Variants in PINX1 observed in about 807,000 individuals in gnomAD.
PINX1 encodes PIN2 (TERF1) interacting telomerase inhibitor 1.
A neutral mutation model predicts 25.4 loss-of-function variants in PINX1; 34 were observed. The ratio of observed to expected loss-of-function variants is 1.34; its 90% CI spans 1.02 to 1.78. The LOEUF is 1.78. Among genes scored for constraint, PINX1 ranks in the 40% most tolerant of loss-of-function variants. The pLI, the probability that PINX1 is intolerant of heterozygous loss-of-function variation, is 0.00. For missense variants in PINX1, 592 were observed against 404.9 expected (o/e 1.46, Z -3.97); for synonymous variants, 197 against 147.7 (o/e 1.33, Z -2.42).
chr8:10,803,650 T>G (rs1802341262), intron 6 of PINX1, among the ~76,000 whole-genome samples: 1 of 152,238 alleles, frequency 6.6e-6, no homozygotes, highest in African/African-American at 2.4e-5. Context: ...TTTGATTAGA[T>G]TTAGGTTCAG....
chr8:10,783,033 C>A (rs1338648786), intron 6 of PINX1, among the ~76,000 whole-genome samples: 1 of 151,938 alleles, frequency 6.6e-6, no homozygotes, highest in Non-Finnish European at 1.5e-5. Flanking sequence ...GAAAGAGGAA[C>A]AGAAAGAAAT....
rs143255718 is a variant in PINX1 at position 10,830,887 on chromosome 8, G to A, written c.301+778C>T. Among the ~76,000 whole-genome samples, 436 of 152,232 alleles carry A rather than the reference G, an allele frequency of 2.9e-3. 5 individuals carry two copies. The highest frequency in any genetic ancestry group is 0.019 in the South Asian group (92 of 4,818). On this transcript the variant is annotated intron_variant, in intron 4 of 6. Coordinates refer to ENST00000314787, the MANE Select transcript of PINX1 (RefSeq NM_017884.6). ...ATGTAGCCACTACAGAAAACAGTAC[G>A]GCAGCTCCTCAAAAAGTTAAAAATA...
At chr8:10,835,332 G>A (rs1298028971) in intron 1 of PINX1, among the ~76,000 whole-genome samples, 1 of 152,196 alleles carries the variant, frequency 6.6e-6, no homozygotes, top group African/African-American at 2.4e-5. Context: ...GAAAATCTGA[G>A]GCTTAGAGAA....
intron 4 of PINX1, among the ~76,000 whole-genome samples, chr8:10,828,360 G>T (rs1382854425): frequency 2.0e-5 from 3 of 152,232 alleles, no homozygotes; most frequent in Non-Finnish European, 4.4e-5. Context: ...GACTGCAAGT[G>T]TATGAGGGAC....
intron 2 of PINX1, 30 bp downstream of exon 2, chr8:10,834,636 C>G (rs1198102535): frequency 6.2e-7 from 1 of 1,609,472 alleles, no homozygotes; most frequent in Non-Finnish European, 8.5e-7. Flanking sequence ...TTTCATAGCT[C>G]AGATTTTTTT....
chr8:10,823,126 T>A (rs1471092773), intron 5 of PINX1, among the ~76,000 whole-genome samples: 1 of 151,984 alleles, frequency 6.6e-6, no homozygotes, highest in African/African-American at 2.4e-5. Flanking sequence ...GTCAAAAGAA[T>A]CAGAAGAGGA....
intron 4 of PINX1, among the ~76,000 whole-genome samples, chr8:10,827,828 G>A (rs902291603): frequency 2.0e-5 from 3 of 149,558 alleles, no homozygotes; most frequent in Non-Finnish European, 3.0e-5. Flanking sequence ...GGAGAATGGC[G>A]TGAACCTGGG....
chr8:10,827,433 G>T (rs1798086938), intron 4 of PINX1, among the ~76,000 whole-genome samples: 1 of 152,216 alleles, frequency 6.6e-6, no homozygotes, highest in African/African-American at 2.4e-5. Context: ...CTGAAAGGTT[G>T]ATCAGAGCAG....
At chr8:10,774,350 C>T (rs1331968534) in intron 6 of PINX1, among the ~76,000 whole-genome samples, 3 of 151,338 alleles carry the variant, frequency 2.0e-5, no homozygotes, top group Admixed American at 6.6e-5. Context: ...GGCACAATCT[C>T]GGCTCACCGC....
intron 5 of PINX1, among the ~76,000 whole-genome samples, chr8:10,822,564 G>A (rs367742586): frequency 2.0e-5 from 3 of 152,204 alleles, no homozygotes; most frequent in Admixed American, 2.0e-4. Context: ...TGCTTTAGCT[G>A]TTTGTCTAAT....
chr8:10,819,091 G>A (rs557587419), intron 6 of PINX1, among the ~76,000 whole-genome samples: 28 of 152,264 alleles, frequency 1.8e-4, no homozygotes, highest in Non-Finnish European at 3.1e-4. Flanking sequence ...AGCATAGTCC[G>A]CGCAGGCACC....
chr8:10,804,474 G>T (rs1011137852), intron 6 of PINX1, among the ~76,000 whole-genome samples: 1 of 152,244 alleles, frequency 6.6e-6, no homozygotes, highest in East Asian at 1.9e-4. Context: ...CTGGGCAAGG[G>T]TCTGGTGTGT....
intron 6 of PINX1, among the ~76,000 whole-genome samples, chr8:10,802,269 C>T (rs987531652): frequency 2.0e-4 from 30 of 152,200 alleles, no homozygotes; most frequent in Admixed American, 3.9e-4. Context: ...GCTGACCGCA[C>T]CTGGGGAACA....
chr8:10,784,823 C>A (rs924034633), intron 6 of PINX1, among the ~76,000 whole-genome samples: 1 of 152,132 alleles, frequency 6.6e-6, no homozygotes, highest in African/African-American at 2.4e-5. Flanking sequence ...TTAAAGCAAG[C>A]CTTTTTGATG....
At chr8:10,772,822 G>T (rs934756992) in intron 6 of PINX1, among the ~76,000 whole-genome samples, 2 of 152,188 alleles carry the variant, frequency 1.3e-5, no homozygotes, top group African/African-American at 4.8e-5. Flanking sequence ...TGAAACAGGT[G>T]TAAGAACCTG....
chr8:10,766,203 C>G (rs894407813), intron 6 of PINX1, among the ~76,000 whole-genome samples: 1 of 152,208 alleles, frequency 6.6e-6, no homozygotes, highest in Non-Finnish European at 1.5e-5. Context: ...CAGAAGGGAG[C>G]AGGCAAGCCG....
intron 6 of PINX1, among the ~76,000 whole-genome samples, chr8:10,786,590 A>G (rs147869205): frequency 3.9e-5 from 6 of 152,192 alleles, no homozygotes; most frequent in African/African-American, 1.4e-4. Context: ...CTCACCCCAC[A>G]GGGTTGGACC....
At chr8:10,831,243 TA>T (rs1443903005) in intron 4 of PINX1, among the ~76,000 whole-genome samples, 1 of 152,150 alleles carries the variant, frequency 6.6e-6, no homozygotes, top group Admixed American at 6.5e-5. Context: ...GTTGAGCTCA[TA>T]AAAGTAGACA....
intron 6 of PINX1, among the ~76,000 whole-genome samples, chr8:10,790,997 C>A (rs1563212388): frequency 6.6e-6 from 1 of 152,284 alleles, no homozygotes; most frequent in East Asian, 1.9e-4. Context: ...ACTGCAGCCT[C>A]CGCTTCCCAA....
Sources: allele counts gnomAD v4.1 joint callset (sites outside exome capture counted in the v4.1 genomes callset), GRCh38; gene constraint gnomAD v4.1.1; transcripts MANE v1.5; gene names NCBI Gene and HGNC (gene_info 2026-07-23, HGNC 2026-07-21).